The following PRDM4 variants were observed in gnomAD, a reference collection of about 807,000 sequenced individuals.
PRDM4 encodes PR domain zinc finger protein 4.
Under a neutral mutation model 62.3 loss-of-function variants are expected in PRDM4, and 38 were observed. That is an observed-to-expected ratio of 0.61 (90% CI 0.47 to 0.80). PRDM4 has a LOEUF of 0.80. Ranked by LOEUF, PRDM4 falls within the 30% of genes least tolerant of loss-of-function variation. PRDM4 has a pLI of 0.00. For missense variants in PRDM4, 858 were observed against 997.1 expected (o/e 0.86, Z 1.88); for synonymous variants, 339 against 348.2 (o/e 0.97, Z 0.30).
Position 107,760,570 on chromosome 12 carries a change from T to C in PRDM4, c.-55A>G. The C allele has an allele frequency of 6.2e-7, 1 of 1,607,626 alleles. No homozygotes were observed. The highest frequency in any genetic ancestry group is 8.5e-7 in the Non-Finnish European group (1 of 1,176,558). The stretch of plus-strand genomic sequence containing the variant: ...GCGCTCGGGTGGTGGGGAACAGGCA[T>C]CAGGGTTTGCGTTCCAGGGTCACGT... On this transcript the variant is annotated 5_prime_UTR_variant, in exon 2 of 12. The change abolishes an upstream ATG in the 5' untranslated region. Transcript: ENST00000228437.
At chr12:107,742,551 G>GTTTTGT in intron 8 of PRDM4, 1 of 576,560 alleles carries the variant, frequency 1.7e-6, no homozygotes, top group Non-Finnish European at 3.0e-6. Context: ...ATTAGCTGAT[G>GTTTTGT]ACCTTTTGTA....
chr12:107,742,502 G>C, intron 8 of PRDM4, 154 bp from the exon 9 acceptor site: 1 of 821,858 alleles, frequency 1.2e-6, no homozygotes, highest in Non-Finnish European at 1.9e-6. Flanking sequence ...CTATCTATGA[G>C]AAGGCAGTTG....
At position 107,741,231 on chromosome 12, in the gene PRDM4, A is replaced by C; in HGVS notation, c.1639T>G (p.Cys547Gly). 1.9e-6 allele frequency: 3 copies of C among 1,613,150 alleles called. No individual in the cohort carries two copies. Among genetic ancestry groups the C allele is most frequent in the Non-Finnish European group, 2.5e-6 (3 of 1,179,096 alleles). ...GVPEHPDVHL[C>G]NCGKECNSYT... is the part of the protein sequence containing the mutation. ...GAATTGCACTCCTTGCCACAGTTAC[A>C]GAGATGCACATCTGGGTGTTCAGGA... Residue 547 changes from cysteine (C) to glycine (G), a missense_variant, in exon 10 of 12, where the codon TGT becomes GGT. Cys to Gly is a radical substitution (Grantham distance 159, BLOSUM62 -3). Coordinates refer to ENST00000228437, the MANE Select transcript of PRDM4 (RefSeq NM_012406.4).
Position 107,749,396 on chromosome 12 carries a change from C to CT in PRDM4, c.1126+2018dup, listed in dbSNP as rs56295338. Among the ~76,000 whole-genome samples, 1,044 of 130,096 alleles carry CT rather than the reference C, an allele frequency of 8.0e-3. 18 individuals carry two copies. Among genetic ancestry groups the CT allele is most frequent in the African/African-American group, 0.026 (930 of 35,270 alleles). 85.3% of individuals were successfully genotyped at this position (130,096 alleles called of 152,430 possible). A position where few individuals can be genotyped will look rare whatever the true frequency, so the allele number is the denominator to read the frequency against. On this transcript the variant is annotated intron_variant, in intron 5 of 11. Coordinates refer to ENST00000228437, the MANE Select transcript of PRDM4 (RefSeq NM_012406.4). ...ACCCTACCTACTTAGTTTCTGTTTG[C>CT]TTTTTTTTTTTTTTTTTTCCTGAGA... is the stretch of plus-strand genomic sequence containing the variant.
intron 2 of PRDM4, among the ~76,000 whole-genome samples, chr12:107,760,255 A>G (rs73398396): frequency 0.011 from 1,644 of 152,360 alleles, 31 homozygotes; most frequent in African/African-American, 0.037. Context: ...AAATAACTGA[A>G]AGACACAGGA....
intron 5 of PRDM4, among the ~76,000 whole-genome samples, chr12:107,748,693 G>C (rs775486857): frequency 1.3e-5 from 2 of 152,216 alleles, no homozygotes; most frequent in Non-Finnish European, 2.9e-5. Context: ...GGAATGGGAA[G>C]TGACTAATGG....
At chr12:107,757,041 A>C in intron 2 of PRDM4, 76 bp from the exon 3 acceptor site, 5 of 1,485,660 alleles carry the variant, frequency 3.4e-6, no homozygotes, top group Admixed American at 1.8e-5. Flanking sequence ...GAAGAAACTG[A>C]AACAGTGGGG....
At chr12:107,745,784 A>G (rs1043057035) in intron 6 of PRDM4, among the ~76,000 whole-genome samples, 1 of 152,202 alleles carries the variant, frequency 6.6e-6, no homozygotes, top group African/African-American at 2.4e-5. Context: ...ATTTCCAAAG[A>G]AATGTCGCAG....
Position 107,740,837 on chromosome 12 carries a change from TTC to T in PRDM4, c.1924+107_1924+108del, listed in dbSNP as rs57448921. Reference sequence around the variant, plus strand: ...TCTCAGTTAAACCACGAAGGTTTCTTTCTCTGACATCAAATCTCAACTCCACC... The same window carrying T: ...TCTCAGTTAAACCACGAAGGTTTCTTTCTGACATCAAATCTCAACTCCACC... On this transcript the variant is annotated intron_variant, in intron 10 of 11. Coordinates refer to ENST00000228437, the MANE Select transcript of PRDM4 (RefSeq NM_012406.4). The T allele has an allele frequency of 1.3e-3, 1,569 of 1,176,506 alleles. 18 individuals carry two copies. The African/African-American group carries it at 0.02, about 15-fold the overall frequency. The allele number at this position is 1,176,506 out of a possible 1,614,324, so 72.9% of individuals were successfully genotyped here. A position where few individuals can be genotyped will look rare whatever the true frequency, so the allele number is the denominator to read the frequency against.
At chr12:107,754,666 C>T (rs1312901799) in intron 3 of PRDM4, among the ~76,000 whole-genome samples, 1 of 151,936 alleles carries the variant, frequency 6.6e-6, no homozygotes, top group Non-Finnish European at 1.5e-5. Context: ...TGCCACCATG[C>T]CCAGCCAAAA....
chr12:107,759,406 G>GT (rs1213675076), intron 2 of PRDM4, among the ~76,000 whole-genome samples: 1 of 152,186 alleles, frequency 6.6e-6, no homozygotes, highest in Non-Finnish European at 1.5e-5. Context: ...CACTACAGCT[G>GT]TAACAGCCTA....
At position 107,741,255 on chromosome 12, in the gene PRDM4, G is replaced by A; in HGVS notation, c.1615C>T (p.Pro539Ser). 1 of 1,599,578 alleles carries A rather than the reference G, an allele frequency of 6.3e-7. No homozygotes were observed. Among genetic ancestry groups the A allele is most frequent in the South Asian group, 1.1e-5 (1 of 89,798 alleles). The part of the protein sequence containing the change: ...SRDYAQQIGV[P>S]EHPDVHLCNC... ...CAGAGATGCACATCTGGGTGTTCAG[G>A]AACACCTTTTAAAAAAAAATTACTC... Residue 539 changes from proline to serine, a missense_variant, in exon 10 of 12, where the codon CCT (proline) becomes TCT (serine). Transcript: ENST00000228437.
At chr12:107,749,396 CTTTTT>C (rs56295338) in intron 5 of PRDM4, among the ~76,000 whole-genome samples, 2 of 130,110 alleles carry the variant, frequency 1.5e-5, no homozygotes, top group African/African-American at 5.7e-5. Flanking sequence ...TTTCTGTTTG[CTTTTT>C]TTTTTTTTTT....
At chr12:107,739,263 TG>T in intron 11 of PRDM4, 119 bp downstream of exon 11, 1 of 1,138,772 alleles carries the variant, frequency 8.8e-7, no homozygotes, top group Non-Finnish European at 1.2e-6. Context: ...GCATCTACCA[TG>T]GTACCAAGGC....
In PRDM4 at chr12:107,741,124, T is replaced by C; in HGVS notation, c.1746A>G (p.Pro582=). The C allele has an allele frequency of 6.2e-7, 1 of 1,614,162 alleles. No individual in the cohort carries two copies. The highest frequency in any genetic ancestry group is 8.5e-7 in the Non-Finnish European group (1 of 1,180,022). The change falls in exon 10 of 12, where the codon CCA becomes CCG. Residue 582 remains proline, a synonymous_variant. Transcript: ENST00000228437. ...TCCACTTCCTTTCTTTGCTGTGACT[T>C]GGCCCATGGCTGCCGCTATGTCCCT... ...PTQGHSGSHG[P]SHSKERKWKC...
chr12:107,750,617 ATTG>A (rs1407839838), intron 5 of PRDM4, among the ~76,000 whole-genome samples: 1 of 152,108 alleles, frequency 6.6e-6, no homozygotes, highest in Non-Finnish European at 1.5e-5. Context: ...CTGTTTTTAT[ATTG>A]TTTTTTGTTG....
chr12:107,742,755 G>T (rs568554060), intron 8 of PRDM4, among the ~76,000 whole-genome samples: 1 of 141,714 alleles, frequency 7.1e-6, no homozygotes, highest in South Asian at 2.4e-4. Context: ...TTGTTCCTTG[G>T]TAAGTGCCTT....
chr12:107,738,849 ATT>A (rs34195920), intron 11 of PRDM4, among the ~76,000 whole-genome samples: 284 of 148,338 alleles, frequency 1.9e-3, no homozygotes, highest in Non-Finnish European at 3.0e-3. Flanking sequence ...TAAGATAACA[ATT>A]TTTTTTTTTT....
intron 2 of PRDM4, chr12:107,760,082 A>T (rs528891142): frequency 6.4e-6 from 1 of 155,836 alleles, no homozygotes; most frequent in Non-Finnish European, 1.4e-5. Context: ...GCCAAATGCA[A>T]CAATTTCTGT....
Sources: allele counts gnomAD v4.1 joint callset (sites outside exome capture counted in the v4.1 genomes callset), GRCh38; gene constraint gnomAD v4.1.1; transcripts MANE v1.5; gene names NCBI Gene and HGNC (gene_info 2026-07-23, HGNC 2026-07-21).